Variants in ZBED6 observed in about 807,000 individuals in gnomAD.
ZBED6 encodes the protein zinc finger BED-type containing 6, also known as zinc finger BED domain-containing protein 6.
A neutral mutation model predicts 58.4 loss-of-function variants in ZBED6; 40 were observed. The observed-to-expected ratio is 0.68, with a 90% CI of 0.53 to 0.89. The LOEUF is 0.89. ZBED6 is among the 40% of genes least tolerant of loss of function. The pLI, the probability that ZBED6 is intolerant of heterozygous loss-of-function variation, is 0.00. For synonymous variants in ZBED6, 439 were observed against 350.6 expected (o/e 1.25, Z -2.82); for missense variants, 1,057 against 1,003.9 (o/e 1.05, Z -0.71).
intron 3 of ZBED6, among the ~76,000 whole-genome samples, chr1:203,822,352 T>A (rs1175617740): frequency 6.6e-6 from 1 of 152,078 alleles, no homozygotes; most frequent in African/African-American, 2.4e-5. Context: ...TCTAGTACTC[T>A]GTGCTAAGCC....
At chr1:203,828,161 TCTTC>T in intron 3 of ZBED6, 134 bp from the exon 4 acceptor site, 2 of 966,832 alleles carry the variant, frequency 2.1e-6, no homozygotes, top group Non-Finnish European at 1.6e-6. Flanking sequence ...CAGCAATCTC[TCTTC>T]CTTCTAAAAA....
intron 1 of ZBED6, among the ~76,000 whole-genome samples, chr1:203,806,654 A>G (rs1386576204): frequency 6.6e-6 from 1 of 152,108 alleles, no homozygotes; most frequent in Non-Finnish European, 1.5e-5. Context: ...ACAGTGTTGA[A>G]AGATGGTGAA....
chr1:203,820,776 G>A lies in ZBED6; in HGVS notation c.*2873+2087G>A, dbSNP rs1351913266. Among the ~76,000 whole-genome samples, 7 of 152,130 alleles carry A rather than the reference G, an allele frequency of 4.6e-5. No individual in the cohort carries two copies. In the East Asian group the frequency reaches 5.8e-4, roughly 13 times the overall value. ...ATTACAGGTGTGAGCCACGCCCGGC[G>A]AATGGTATTTTTGTTGCATATCATC... On this transcript the variant is annotated intron_variant, in intron 3 of 16. Coordinates refer to ENST00000550078, the Ensembl canonical transcript of ZBED6.
chr1:203,824,356 AG>A (rs1315296069), intron 3 of ZBED6, among the ~76,000 whole-genome samples: 5 of 152,118 alleles, frequency 3.3e-5, no homozygotes, highest in African/African-American at 1.2e-4. Context: ...GGAAGTATAA[AG>A]GTGAAACTTA....
chr1:203,840,445 T>C (rs1685745377), intron 11 of ZBED6, 71 bp downstream of exon 11: 2 of 1,466,998 alleles, frequency 1.4e-6, no homozygotes, highest in East Asian at 2.3e-5. Context: ...TTTTCTCAGA[T>C]TTACCTGTTG....
chr1:203,797,450 G>A, exon 1 of ZBED6: 5 of 1,351,926 alleles, frequency 3.7e-6, no homozygotes, highest in Non-Finnish European at 4.9e-6. Context: ...AAGTAGAGAG[G>A]AACAGCTGTA....
At chr1:203,830,244 A>G (rs370992105) in intron 7 of ZBED6, 41 bp downstream of exon 7, 2 of 1,480,922 alleles carry the variant, frequency 1.4e-6, no homozygotes, top group African/African-American at 2.8e-5. Flanking sequence ...GTATGTTGCT[A>G]GGGAAGAATA....
At chr1:203,810,784 G>A (rs1674202863) in intron 1 of ZBED6, among the ~76,000 whole-genome samples, 1 of 151,968 alleles carries the variant, frequency 6.6e-6, no homozygotes, top group African/African-American at 2.4e-5. Context: ...TATCTACTCA[G>A]GATTCCATTT....
At chr1:203,803,258 C>G (rs1171797671) in intron 1 of ZBED6, among the ~76,000 whole-genome samples, 1 of 152,108 alleles carries the variant, frequency 6.6e-6, no homozygotes, top group African/African-American at 2.4e-5. Flanking sequence ...ATGGTGCCAT[C>G]TTGGCTCACT....
intron 1 of ZBED6, among the ~76,000 whole-genome samples, chr1:203,805,353 G>A (rs892046919): frequency 4.0e-5 from 6 of 151,762 alleles, no homozygotes; most frequent in Non-Finnish European, 8.8e-5. Flanking sequence ...GGCTGGTCTC[G>A]AACTTCTGAC....
chr1:203,798,419 C>G (rs780630170), exon 1 of ZBED6: 1 of 1,533,858 alleles, frequency 6.5e-7, no homozygotes, highest in Non-Finnish European at 8.7e-7. Flanking sequence ...GGCCAGGGTC[C>G]CACTTAGGGA....
chr1:203,795,729 G>T (rs1668172245), exon 1 of ZBED6: 1 of 152,246 alleles, frequency 6.6e-6, no homozygotes, highest in South Asian at 2.1e-4. Flanking sequence ...CAAGCAAGAA[G>T]AAAGACGTGG....
At chr1:203,845,800 GT>G (rs1687728713) in intron 11 of ZBED6, among the ~76,000 whole-genome samples, 1 of 152,118 alleles carries the variant, frequency 6.6e-6, no homozygotes, top group South Asian at 2.1e-4. Context: ...GGAGATGTAG[GT>G]TGCGGTGAGT....
chr1:203,828,951 C>T (rs1236643482), intron 4 of ZBED6, among the ~76,000 whole-genome samples: 1 of 152,114 alleles, frequency 6.6e-6, no homozygotes, highest in African/African-American at 2.4e-5. Flanking sequence ...GTGGTTATTC[C>T]CAAAGTTCAT....
At chr1:203,812,669 C>T (rs767473738) in intron 1 of ZBED6, among the ~76,000 whole-genome samples, 1 of 146,346 alleles carries the variant, frequency 6.8e-6, no homozygotes, top group Non-Finnish European at 1.5e-5. Context: ...GCAGCCTCTG[C>T]CTCCTAGGTT....
chr1:203,799,396 T>C, exon 1 of ZBED6: 1 of 703,246 alleles, frequency 1.4e-6, no homozygotes, highest in Non-Finnish European at 2.6e-6. Context: ...GCCCGTCAGA[T>C]ACTGCAAGAG....
chr1:203,797,653 A>C, exon 1 of ZBED6: 5 of 1,536,106 alleles, frequency 3.3e-6, no homozygotes, highest in Non-Finnish European at 4.4e-6. Flanking sequence ...GATGTGGTAG[A>C]GGAAAAGATG....
chr1:203,834,206 C>A, intron 9 of ZBED6: 1 of 446,474 alleles, frequency 2.2e-6, no homozygotes, highest in Non-Finnish European at 3.0e-6. Flanking sequence ...TACAGGAATC[C>A]CTAAGAAGAA....
chr1:203,831,830 C>A, intron 8 of ZBED6, 59 bp downstream of exon 8: 1 of 1,375,888 alleles, frequency 7.3e-7, no homozygotes, highest in Non-Finnish European at 1.0e-6. Context: ...ATTGGGAATG[C>A]AAAATCCTTG....
Sources: gnomAD v4.1 joint callset for allele counts (sites outside exome capture counted in the v4.1 genomes callset) on GRCh38, gnomAD v4.1.1 for gene constraint, MANE v1.5 for transcripts, NCBI Gene and HGNC (gene_info 2026-07-23, HGNC 2026-07-21) for gene names.